The following LINGO2 variants were observed in gnomAD, a reference collection of about 807,000 sequenced individuals.
The protein encoded by LINGO2 is leucine-rich repeat and immunoglobulin-like domain-containing nogo receptor-interacting protein 2.
Under a neutral mutation model 30.6 loss-of-function variants are expected in LINGO2, and 14 were observed. That is an observed-to-expected ratio of 0.46 (90% CI 0.30 to 0.72). The LOEUF is 0.72. Ranked by LOEUF, LINGO2 falls within the 30% of genes least tolerant of loss-of-function variation. LINGO2 has a pLI of 0.07. For missense variants in LINGO2, 729 were observed against 751.7 expected (o/e 0.97, Z 0.35); for synonymous variants, 317 against 288.5 (o/e 1.10, Z -1.00).
the LINGO2 span, among the ~76,000 whole-genome samples, chr9:29,042,887 A>C: frequency 2.6e-5 from 4 of 151,900 alleles, no homozygotes; most frequent in African/African-American, 4.8e-5. Flanking sequence ...AATTATACAA[A>C]TGGAGAAGAG....
intron 1 of LINGO2, among the ~76,000 whole-genome samples, chr9:28,639,670 T>G (rs1401652566): frequency 6.6e-6 from 1 of 152,158 alleles, no homozygotes; most frequent in Non-Finnish European, 1.5e-5. Flanking sequence ...TTCCATTTGC[T>G]TGGTAGATCT....
At chr9:28,758,326 G>C in the LINGO2 span, among the ~76,000 whole-genome samples, 1 of 152,022 alleles carries the variant, frequency 6.6e-6, no homozygotes, top group Admixed American at 6.5e-5. Context: ...CATTGCCACA[G>C]TCAAAGCAGA....
chr9:28,737,829 C>CACA, the LINGO2 span, among the ~76,000 whole-genome samples: 4 of 152,022 alleles, frequency 2.6e-5, no homozygotes, highest in African/African-American at 9.7e-5. Context: ...CAAACACACA[C>CACA]ACAAACACAC....
At chr9:28,083,346 T>C (rs1587824033) in intron 4 of LINGO2, among the ~76,000 whole-genome samples, 1 of 152,196 alleles carries the variant, frequency 6.6e-6, no homozygotes, top group Non-Finnish European at 1.5e-5. Context: ...CACCTGGCTC[T>C]GCCTCTGGGT....
the LINGO2 span, among the ~76,000 whole-genome samples, chr9:29,188,464 C>T: frequency 6.6e-6 from 1 of 152,136 alleles, no homozygotes; most frequent in Admixed American, 6.5e-5. Context: ...ATCTTTTCCC[C>T]ACCTTTCCCG....
the LINGO2 span, among the ~76,000 whole-genome samples, chr9:28,988,011 T>C: frequency 6.6e-6 from 1 of 152,182 alleles, no homozygotes; most frequent in African/African-American, 2.4e-5. Context: ...TCTGTTGCTG[T>C]TGGATGAACT....
At chr9:28,815,037 G>A in the LINGO2 span, among the ~76,000 whole-genome samples, 2 of 151,774 alleles carry the variant, frequency 1.3e-5, no homozygotes, top group South Asian at 2.1e-4. Context: ...AAACTAAAGA[G>A]GAATTTTGAT....
intron 4 of LINGO2, among the ~76,000 whole-genome samples, chr9:28,293,287 G>A (rs944596313): frequency 6.6e-6 from 1 of 151,858 alleles, no homozygotes; most frequent in Non-Finnish European, 1.5e-5. Context: ...TTATAGAGAT[G>A]AGGTCTCACT....
chr9:28,630,212 A>G (rs1826871728), intron 1 of LINGO2, among the ~76,000 whole-genome samples: 1 of 131,928 alleles, frequency 7.6e-6, no homozygotes, highest in African/African-American at 2.6e-5. Flanking sequence ...AAAGTATAAT[A>G]AAAAAATAAA....
At chr9:28,388,504 T>A (rs1821692021) in intron 2 of LINGO2, among the ~76,000 whole-genome samples, 1 of 152,220 alleles carries the variant, frequency 6.6e-6, no homozygotes, top group South Asian at 2.1e-4. Context: ...GGCAATTTGT[T>A]TCCCAAATAC....
At chr9:28,825,597 A>G in the LINGO2 span, among the ~76,000 whole-genome samples, 1 of 150,696 alleles carries the variant, frequency 6.6e-6, no homozygotes, top group South Asian at 2.1e-4. Flanking sequence ...ACATTTTTTC[A>G]AGAAAGGGTG....
In LINGO2 at chr9:28,083,650, G is replaced by T. The variant is rs539276329; in HGVS notation, c.-86-71245C>A. 5.3e-5 allele frequency among the ~76,000 whole-genome samples: 8 copies of T among 152,220 alleles called. No individual in the cohort carries two copies. In the South Asian group the frequency reaches 1.7e-3, roughly 32 times the overall value. ...TGTGAAATGCCAAGCATAATGCCTG[G>T]TACAGAGTAAGTAGCTAATCAAATT... On this transcript the variant is annotated intron_variant, in intron 4 of 5. Transcript: ENST00000379992.
intron 4 of LINGO2, among the ~76,000 whole-genome samples, chr9:28,208,072 C>T (rs930626581): frequency 6.6e-6 from 1 of 151,978 alleles, no homozygotes; most frequent in African/African-American, 2.4e-5. Context: ...GGGCCACTGT[C>T]CATTATTTTA....
chr9:28,570,422 T>C (rs1285147441), intron 1 of LINGO2, among the ~76,000 whole-genome samples: 1 of 151,856 alleles, frequency 6.6e-6, no homozygotes, highest in Non-Finnish European at 1.5e-5. Context: ...GGAACAAAGA[T>C]GGATTAAAAA....
intron 4 of LINGO2, among the ~76,000 whole-genome samples, chr9:28,044,977 T>C (rs999765309): frequency 2.6e-5 from 4 of 152,112 alleles, no homozygotes; most frequent in African/African-American, 9.7e-5. Flanking sequence ...ACAGTTTTCC[T>C]GACTCCCATG....
chr9:28,457,454 A>T (rs1824895071), intron 2 of LINGO2, among the ~76,000 whole-genome samples: 1 of 151,926 alleles, frequency 6.6e-6, no homozygotes. Context: ...TCACTTTGTC[A>T]CCCAGGCTGG....
chr9:29,076,031 A>AT, the LINGO2 span, among the ~76,000 whole-genome samples: 1,284 of 146,900 alleles, frequency 8.7e-3, 16 homozygotes, highest in African/African-American at 0.028. Context: ...ACCACATCTG[A>AT]TTTTTTTTTT....
At chr9:27,961,121 C>T (rs985051223) in intron 5 of LINGO2, among the ~76,000 whole-genome samples, 4 of 152,120 alleles carry the variant, frequency 2.6e-5, no homozygotes, top group Non-Finnish European at 4.4e-5. Flanking sequence ...ATATTCAATA[C>T]TTTATTACAA....
intron 1 of LINGO2, among the ~76,000 whole-genome samples, chr9:28,641,062 C>T (rs1827551739): frequency 6.6e-6 from 1 of 152,052 alleles, no homozygotes; most frequent in South Asian, 2.1e-4. Context: ...GAGACGGAGT[C>T]TCACTCTGTC....
Sources: gnomAD v4.1 joint callset for allele counts (sites outside exome capture counted in the v4.1 genomes callset) on GRCh38, gnomAD v4.1.1 for gene constraint, MANE v1.5 for transcripts, NCBI Gene and HGNC (gene_info 2026-07-23, HGNC 2026-07-21) for gene names.